CNTNAP2: variants seen among roughly 807,000 people sequenced by gnomAD.
CNTNAP2 encodes the protein contactin-associated protein-like 2.
A neutral mutation model predicts 155.2 loss-of-function variants in CNTNAP2; 98 were observed. That is an observed-to-expected ratio of 0.63 (90% CI 0.54 to 0.75). The LOEUF (loss-of-function observed/expected upper bound fraction) is 0.75, where lower values mean the gene tolerates loss of function less well. CNTNAP2 is among the 30% of genes least tolerant of loss of function. CNTNAP2 has a pLI of 0.00. For synonymous variants in CNTNAP2, 651 were observed against 631.2 expected (o/e 1.03, Z -0.47); for missense variants, 1,727 against 1,688.1 (o/e 1.02, Z -0.40).
intron 1 of CNTNAP2, among the ~76,000 whole-genome samples, chr7:146,418,777 T>G (rs553555595): frequency 2.4e-4 from 37 of 152,216 alleles, no homozygotes; most frequent in African/African-American, 8.2e-4. Context: ...GTACAAAGTC[T>G]TTACAAATGA....
At chr7:147,907,931 A>C (rs1799993269) in intron 14 of CNTNAP2, among the ~76,000 whole-genome samples, 1 of 145,792 alleles carries the variant, frequency 6.9e-6, no homozygotes, top group Non-Finnish European at 1.5e-5. Flanking sequence ...CACCATGCCT[A>C]GCTAATTTTT....
At chr7:147,278,946 G>T (rs1357679418) in intron 8 of CNTNAP2, among the ~76,000 whole-genome samples, 1 of 151,220 alleles carries the variant, frequency 6.6e-6, no homozygotes, top group African/African-American at 2.4e-5. Context: ...AAAATTGAAT[G>T]AATACAAATT....
chr7:146,705,541 G>C (rs1293815517), intron 1 of CNTNAP2, among the ~76,000 whole-genome samples: 1 of 152,034 alleles, frequency 6.6e-6, no homozygotes, highest in East Asian at 1.9e-4. Flanking sequence ...CAACGTATTA[G>C]TCTGTTCTCA....
intron 3 of CNTNAP2, among the ~76,000 whole-genome samples, chr7:147,024,421 G>T (rs1010217078): frequency 6.6e-6 from 1 of 152,076 alleles, no homozygotes; most frequent in Admixed American, 6.5e-5. Context: ...TTTCATGATT[G>T]TACCGTATCG....
At chr7:148,322,889 A>G (rs1041991584) in intron 21 of CNTNAP2, among the ~76,000 whole-genome samples, 2 of 150,962 alleles carry the variant, frequency 1.3e-5, no homozygotes, top group Non-Finnish European at 2.9e-5. Flanking sequence ...TTTTTCTAAA[A>G]TCTATCCATC....
chr7:147,370,773 A>T (rs1796327301), intron 9 of CNTNAP2, among the ~76,000 whole-genome samples: 1 of 152,182 alleles, frequency 6.6e-6, no homozygotes, highest in African/African-American at 2.4e-5. Flanking sequence ...CAAAAGATGC[A>T]TCTTTACATT....
intron 8 of CNTNAP2, among the ~76,000 whole-genome samples, chr7:147,284,160 C>A (rs1339078388): frequency 1.3e-5 from 2 of 151,538 alleles, no homozygotes; most frequent in Non-Finnish European, 3.0e-5. Context: ...CCCTAAATAA[C>A]GTGTTTTTTT....
At chr7:147,449,734 G>A (rs1051792177) in intron 10 of CNTNAP2, among the ~76,000 whole-genome samples, 3 of 152,002 alleles carry the variant, frequency 2.0e-5, no homozygotes, top group Non-Finnish European at 2.9e-5. Flanking sequence ...TGGAGCTAGG[G>A]ATATCAGTGG....
chr7:148,225,146 G>C (rs10244269), intron 19 of CNTNAP2, among the ~76,000 whole-genome samples: 86,376 of 152,034 alleles, frequency 0.57, 24,828 homozygotes, highest in South Asian at 0.61. Flanking sequence ...AAAAATTCTT[G>C]CTCTCATGGA....
chr7:146,723,837 C>G (rs755650272), intron 1 of CNTNAP2, among the ~76,000 whole-genome samples: 15 of 152,152 alleles, frequency 9.9e-5, no homozygotes, highest in Admixed American at 2.0e-4. Context: ...CTTCAGAATT[C>G]TCTATAGGCT....
chr7:148,388,992 C>T (rs1419686734), intron 22 of CNTNAP2, among the ~76,000 whole-genome samples: 3 of 152,094 alleles, frequency 2.0e-5, no homozygotes, highest in Admixed American at 2.0e-4. Context: ...GGTCAGAGAC[C>T]CACTTGAGGA....
intron 9 of CNTNAP2, among the ~76,000 whole-genome samples, chr7:147,381,856 T>C (rs1796542746): frequency 6.6e-6 from 1 of 151,998 alleles, no homozygotes; most frequent in South Asian, 2.1e-4. Flanking sequence ...GAAAATAAGA[T>C]GGGAAACCCA....
At chr7:147,058,763 C>A (rs528806322) in intron 4 of CNTNAP2, among the ~76,000 whole-genome samples, 1 of 152,080 alleles carries the variant, frequency 6.6e-6, no homozygotes, top group Non-Finnish European at 1.5e-5. Context: ...TGTGCCACCA[C>A]GCCCAGCTAA....
At chr7:147,631,026 T>C (rs78481610) in intron 12 of CNTNAP2, among the ~76,000 whole-genome samples, 2 of 151,406 alleles carry the variant, frequency 1.3e-5, no homozygotes, top group East Asian at 3.9e-4. Context: ...AAAGAGGAAA[T>C]TAAAGTTGTG....
At chr7:147,322,757 G>T (rs1355124399) in intron 9 of CNTNAP2, among the ~76,000 whole-genome samples, 13 of 142,736 alleles carry the variant, frequency 9.1e-5, no homozygotes, top group African/African-American at 3.5e-4. Flanking sequence ...TTCAGCTCCT[G>T]TTATTGGTCT....
intron 9 of CNTNAP2, among the ~76,000 whole-genome samples, chr7:147,317,476 C>T (rs778751988): frequency 3.5e-4 from 54 of 152,296 alleles, no homozygotes; most frequent in Non-Finnish European, 7.2e-4. Flanking sequence ...ATCATGTTGG[C>T]CTTCCTTGAG....
At chr7:148,255,671 T>C (rs922954272) in intron 20 of CNTNAP2, among the ~76,000 whole-genome samples, 4 of 152,340 alleles carry the variant, frequency 2.6e-5, no homozygotes, top group Non-Finnish European at 5.9e-5. Context: ...TATATTTTAC[T>C]GATTACATTA....
intron 1 of CNTNAP2, among the ~76,000 whole-genome samples, chr7:146,182,288 A>G (rs1798560368): frequency 6.6e-6 from 1 of 152,166 alleles, no homozygotes; most frequent in South Asian, 2.1e-4. Context: ...TCACTAGTCC[A>G]ATAATCTTTC....
chr7:147,742,132 CT>C (rs555143271), intron 13 of CNTNAP2, among the ~76,000 whole-genome samples: 439 of 152,212 alleles, frequency 2.9e-3, no homozygotes, highest in African/African-American at 0.01. Flanking sequence ...GCCTGCCCCC[CT>C]GATTCAATTA....
Sources: allele counts gnomAD v4.1 joint callset (sites outside exome capture counted in the v4.1 genomes callset), GRCh38; gene constraint gnomAD v4.1.1; transcripts MANE v1.5; gene names NCBI Gene and HGNC (gene_info 2026-07-23, HGNC 2026-07-21).